Variants in MYO18A observed in about 807,000 individuals in gnomAD.
MYO18A encodes the protein myosin XVIIIA, also known as unconventional myosin-XVIIIa.
A neutral mutation model predicts 235.8 loss-of-function variants in MYO18A; 78 were observed. The ratio of observed to expected loss-of-function variants is 0.33; its 90% CI spans 0.28 to 0.40. The LOEUF (loss-of-function observed/expected upper bound fraction) is 0.40, where lower values mean the gene tolerates loss of function less well. MYO18A is among the 10% of genes least tolerant of loss of function. The pLI, the probability that MYO18A is intolerant of heterozygous loss-of-function variation, is 1.00. For synonymous variants in MYO18A, 977 were observed against 1,077.8 expected (o/e 0.91, Z 1.83); for missense variants, 2,215 against 2,699.3 (o/e 0.82, Z 3.98).
At position 29,109,907 on chromosome 17, in the gene MYO18A, G is replaced by A. The variant is rs752070404; in HGVS notation, c.3282C>T (p.Thr1094=). The A allele has an allele frequency of 1.8e-5, 29 of 1,585,126 alleles. No individual in the cohort carries two copies. Among genetic ancestry groups the A allele is most frequent in the Non-Finnish European group, 2.3e-5 (27 of 1,165,802 alleles). Residue 1094 remains threonine, a synonymous_variant, in exon 19 of 42, where the codon ACC becomes ACT. Coordinates refer to ENST00000527372, the MANE Select transcript of MYO18A (RefSeq NM_078471.4). This position sits in a 1 kb window ranked among gnomAD's most constrained non-coding sequence, Gnocchi z 4.1. ...LLQLDVPLLR[T]QLRGSRLLDA... is the part of the protein sequence containing the mutation. ...CGAGCAGGCGGGAGCCGCGGAGCTG[G>A]GTGCGGAGCAGGGGCACGTCGAGCT...
chr17:29,129,701 G>A (rs2067415207), intron 2 of MYO18A, among the ~76,000 whole-genome samples: 1 of 152,256 alleles, frequency 6.6e-6, no homozygotes, highest in Admixed American at 6.5e-5. Context: ...TTGGATGCAG[G>A]AAGACGCTCA....
intron 2 of MYO18A, chr17:29,129,183 G>T: frequency 8.7e-7 from 1 of 1,149,298 alleles, no homozygotes; most frequent in Non-Finnish European, 1.2e-6. Context: ...CCTCCTCACA[G>T]CGTCCCTCGT....
chr17:29,094,097 G>A lies in MYO18A; in HGVS notation c.4711-7C>T, dbSNP rs2066464796. On this transcript the variant is annotated splice_region_variant and splice_polypyrimidine_tract_variant and intron_variant, in intron 30 of 41. Coordinates refer to ENST00000527372, the MANE Select transcript of MYO18A (RefSeq NM_078471.4). The stretch of plus-strand genomic sequence containing the variant: ...TCTCCAGACGCAGCTTGGCCTGGAG[G>A]TGGTTGGAGTAGGGTCTGGGTTCCC... 6.3e-6 allele frequency: 10 copies of A among 1,594,020 alleles called. No homozygotes were observed. The highest frequency in any genetic ancestry group is 1.7e-4 in the Middle Eastern group (1 of 6,048).
rs1045694820 is a variant in MYO18A, at chr17:29,109,474, A to G, written c.3331+384T>C. Among the ~76,000 whole-genome samples, 3 of 152,238 alleles carry G rather than the reference A, an allele frequency of 2.0e-5. No homozygotes were observed. The highest frequency in any genetic ancestry group is 4.4e-5 in the Non-Finnish European group (3 of 68,040). ...AATTTTAAGTACTTCAGAAAGATTT[A>G]GCACCTCATTTCTCACTGGGCAGAT... On this transcript the variant is annotated intron_variant, in intron 19 of 41. Transcript: ENST00000527372. The surrounding 1 kb of genome is among the most constrained non-coding windows in gnomAD (Gnocchi z 4.1).
chr17:29,173,524 A>C (rs923143290), intron 1 of MYO18A, among the ~76,000 whole-genome samples: 2 of 151,226 alleles, frequency 1.3e-5, no homozygotes, highest in Middle Eastern at 3.4e-3. Flanking sequence ...AGTAGCTGGT[A>C]CTACAGGCGC....
chr17:29,165,034 G>C lies in MYO18A; in HGVS notation c.999+908C>G, dbSNP rs144024247. On this transcript the variant is annotated intron_variant, in intron 2 of 41. Coordinates refer to ENST00000527372, the MANE Select transcript of MYO18A (RefSeq NM_078471.4). ...CTCCCCTGCTTCGAACCCTTCAATA[G>C]TCCCATTTCACTGGGATGAAATCTG... 2.0e-3 allele frequency among the ~76,000 whole-genome samples: 304 copies of C among 152,272 alleles called. 1 individual carries two copies. The highest frequency in any genetic ancestry group is 6.9e-3 in the African/African-American group (286 of 41,542).
intron 11 of MYO18A, among the ~76,000 whole-genome samples, 179 bp downstream of exon 11, chr17:29,116,265 C>G (rs1035693473): frequency 6.6e-6 from 1 of 152,182 alleles, no homozygotes; most frequent in African/African-American, 2.4e-5. Flanking sequence ...ACATTAGAAC[C>G]CTCCCTCTTG....
chr17:29,078,678 G>A (rs997494273), intron 41 of MYO18A: 3 of 152,252 alleles, frequency 2.0e-5, no homozygotes, highest in African/African-American at 7.2e-5. Flanking sequence ...TAAGCAGGGT[G>A]ATCTAAAATG....
Position 29,120,683 on chromosome 17 carries a change from G to T in MYO18A, c.1661C>A (p.Thr554Asn), listed in dbSNP as rs1476418996. 2 of 1,613,874 alleles carry T rather than the reference G, an allele frequency of 1.2e-6. No homozygotes were observed. The highest frequency in any genetic ancestry group is 1.7e-6 in the Non-Finnish European group (2 of 1,179,882). ...NSPTIINGNA[T>N]RFSQILSLDF... The stretch of plus-strand genomic sequence containing the variant: ...CAGGGAGAGGATCTGGGAGAAGCGG[G>T]TGGCATTGCCATTAATGATGGTGGG... Residue 554 changes from threonine to asparagine, a missense_variant, in exon 7 of 42, where the codon ACC becomes AAC. By Grantham distance (65) the Thr-to-Asn change is moderately conservative. Coordinates refer to ENST00000527372, the MANE Select transcript of MYO18A (RefSeq NM_078471.4). This position sits in a 1 kb window ranked among gnomAD's most constrained non-coding sequence, Gnocchi z 4.2.
chr17:29,086,976 G>C lies in MYO18A; in HGVS notation c.5672C>G (p.Ala1891Gly). The change falls in exon 38 of 42, where the codon GCC (alanine) becomes GGC (glycine). Residue 1891 changes from alanine (A) to glycine (G), a missense_variant. Transcript: ENST00000527372. ...RDTKEEMGELARKEAEASRKK... is the reference protein window; with the variant it reads ...RDTKEEMGELGRKEAEASRKK... ...GCGGCTCGCCTCGGCCTCCTTCCTG[G>C]CAAGCTCGCCCATCTCCTCCTTGGT... 1 of 1,613,718 alleles carries C rather than the reference G, an allele frequency of 6.2e-7. No homozygotes were observed. Among genetic ancestry groups the C allele is most frequent in the Non-Finnish European group, 8.5e-7 (1 of 1,179,744 alleles).
chr17:29,139,666 C>T (rs1410980786), intron 2 of MYO18A, among the ~76,000 whole-genome samples: 1 of 152,162 alleles, frequency 6.6e-6, no homozygotes, highest in East Asian at 1.9e-4. Context: ...GCAGCTATGT[C>T]TCTCCTCACT....
chr17:29,147,029 A>C (rs769788584), intron 2 of MYO18A, among the ~76,000 whole-genome samples: 5 of 152,184 alleles, frequency 3.3e-5, no homozygotes, highest in Non-Finnish European at 5.9e-5. Flanking sequence ...GGAATTGTGG[A>C]ATGGGGAAAC....
chr17:29,131,392 C>T, intron 2 of MYO18A: 3 of 985,960 alleles, frequency 3.0e-6, no homozygotes, highest in Non-Finnish European at 3.6e-6. Flanking sequence ...CAGCCCCTTC[C>T]TCCTTGCCAG....
intron 14 of MYO18A, chr17:29,114,368 ACT>A: frequency 2.5e-6 from 1 of 406,932 alleles, no homozygotes; most frequent in Non-Finnish European, 4.4e-6. Context: ...GAACAAGCCC[ACT>A]CTCAATTTCA....
Position 29,109,310 on chromosome 17 carries a change from A to G in MYO18A, c.3331+548T>C, listed in dbSNP as rs975724039. ...CTGAGCCTCAGTCTCCTCATCTGGA[A>G]TGATACCAGTGTGCTATCCCGGCCC... On this transcript the variant is annotated intron_variant, in intron 19 of 41. Transcript: ENST00000527372. This position sits in a 1 kb window ranked among gnomAD's most constrained non-coding sequence, Gnocchi z 4.1. Among the ~76,000 whole-genome samples, 1 of 152,150 alleles carries G rather than the reference A, an allele frequency of 6.6e-6. No homozygotes were observed. Among genetic ancestry groups the G allele is most frequent in the Non-Finnish European group, 1.5e-5 (1 of 68,028 alleles).
chr17:29,092,747 C>T, intron 33 of MYO18A, 108 bp downstream of exon 33: 2 of 1,474,982 alleles, frequency 1.4e-6, no homozygotes, highest in African/African-American at 1.4e-5. Context: ...TTTCCTGTCA[C>T]TTTCCTTCCC....
intron 37 of MYO18A, among the ~76,000 whole-genome samples, chr17:29,089,493 A>AG (rs1229959046): frequency 6.7e-6 from 1 of 148,180 alleles, no homozygotes; most frequent in Non-Finnish European, 1.5e-5. Context: ...AAAGGGAGAG[A>AG]GAAAAAAAAA....
rs1378594744 is a variant in MYO18A at position 29,106,341 on chromosome 17, G to T, written c.3441+739C>A. ...CTTCCGAGCCCCCTCCATGAATTCA[G>T]GTCTTTAAGGCAGGGGTGGAGGGGC... On this transcript the variant is annotated intron_variant, in intron 20 of 41. Transcript: ENST00000527372. This position sits in a 1 kb window ranked among gnomAD's most constrained non-coding sequence, Gnocchi z 4.6. 2.0e-5 allele frequency among the ~76,000 whole-genome samples: 3 copies of T among 152,170 alleles called. No individual in the cohort carries two copies. The highest frequency in any genetic ancestry group is 2.0e-4 in the Admixed American group (3 of 15,276).
intron 34 of MYO18A, among the ~76,000 whole-genome samples, chr17:29,092,072 G>T (rs1296703376): frequency 6.6e-6 from 1 of 152,236 alleles, no homozygotes; most frequent in East Asian, 1.9e-4. Context: ...TGGTGTTGGG[G>T]CCTGCGGCCA....
Sources: allele counts gnomAD v4.1 joint callset (sites outside exome capture counted in the v4.1 genomes callset), GRCh38; gene constraint gnomAD v4.1.1; non-coding constraint Gnocchi (gnomAD v3.1); transcripts MANE v1.5; gene names NCBI Gene and HGNC (gene_info 2026-07-23, HGNC 2026-07-21).